Variants in CPLANE1 observed in about 807,000 individuals in gnomAD.
The protein encoded by CPLANE1 is ciliogenesis and planar polarity effector complex subunit 1.
In CPLANE1, 263 loss-of-function variants were observed where a neutral mutation model predicts 362.5. The observed-to-expected ratio is 0.73, with a 90% CI of 0.66 to 0.80. The LOEUF (loss-of-function observed/expected upper bound fraction) is 0.80. CPLANE1 is among the 30% of genes least tolerant of loss of function. The probability of loss-of-function intolerance (pLI) is 0.00; values close to 1 mark genes in which losing one functional copy is unlikely to be tolerated. For synonymous variants in CPLANE1, 1,212 were observed against 1,302.6 expected (o/e 0.93, Z 1.50); for missense variants, 3,461 against 3,793.4 (o/e 0.91, Z 2.30).
At chr5:37,224,379 T>C (rs776092570) in intron 13 of CPLANE1, 46 bp from the exon 14 acceptor site, 112 of 1,385,780 alleles carry the variant, frequency 8.1e-5, no homozygotes, top group Admixed American at 2.6e-4. Context: ...ATTATATTAC[T>C]TCATAAAAAT....
intron 21 of CPLANE1, among the ~76,000 whole-genome samples, chr5:37,191,606 G>A (rs1407855445): frequency 6.6e-6 from 1 of 152,176 alleles, no homozygotes; most frequent in Admixed American, 6.5e-5. Context: ...GGGAGGCAGA[G>A]GCTGCAGTGA....
rs1792878203 is a variant in CPLANE1 at position 37,212,455 on chromosome 5, C to T, written c.2920+1104G>A. The T allele has an allele frequency of 4.4e-6, 3 of 684,964 alleles. No individual in the cohort carries two copies. In the African/African-American group the frequency reaches 5.4e-5, roughly 12 times the overall value. The allele number at this position is 684,964 out of a possible 1,614,324, so 42.4% of individuals were successfully genotyped here. ...AACATTTACTCCTTTGTAAATGTTTCTCTATCAACAGATAAAACTCTGAAT... is the reference window on the plus strand; with the variant it reads ...AACATTTACTCCTTTGTAAATGTTTTTCTATCAACAGATAAAACTCTGAAT... On this transcript the variant is annotated intron_variant, in intron 16 of 52. Coordinates refer to ENST00000651892, the MANE Select transcript of CPLANE1 (RefSeq NM_001384732.1).
intron 47 of CPLANE1, chr5:37,124,795 C>T (rs767812031): frequency 7.0e-5 from 44 of 631,218 alleles, no homozygotes; most frequent in Non-Finnish European, 8.7e-5. Context: ...CACAAGTGAT[C>T]CTCTCACTTT....
In CPLANE1 at chr5:37,183,706, CA is replaced by C. The variant is rs765436783; in HGVS notation, c.4482-8del. 5 of 1,531,298 alleles carry C rather than the reference CA, an allele frequency of 3.3e-6. No individual in the cohort carries two copies. The highest frequency in any genetic ancestry group is 2.2e-5 in the Admixed American group (1 of 45,076). The allele number at this position is 1,531,298 out of a possible 1,614,324, so 94.9% of individuals were successfully genotyped here. A position where few individuals can be genotyped will look rare whatever the true frequency, so the allele number is the denominator to read the frequency against. On this transcript the variant is annotated splice_region_variant and splice_polypyrimidine_tract_variant and intron_variant, in intron 25 of 52. Coordinates refer to ENST00000651892, the MANE Select transcript of CPLANE1 (RefSeq NM_001384732.1). The stretch of plus-strand genomic sequence containing the variant: ...CATGTGATTTGGGGCATTTCTATAG[CA>C]AAAAAATAAAATAAGACAAAATTAG...
intron 15 of CPLANE1, 109 bp downstream of exon 15, chr5:37,221,215 C>A (rs904715762): frequency 6.5e-6 from 4 of 613,764 alleles, no homozygotes; most frequent in Non-Finnish European, 1.1e-5. Context: ...CCACTTGAGG[C>A]GGCTGAGGTA....
chr5:37,151,713 T>C (rs1235997293), intron 42 of CPLANE1, among the ~76,000 whole-genome samples: 2 of 152,210 alleles, frequency 1.3e-5, no homozygotes, highest in Admixed American at 6.5e-5. Context: ...TTTGATGCTG[T>C]ACATTTATTT....
At chr5:37,138,642 T>C in intron 46 of CPLANE1, 78 bp downstream of exon 46, 7 of 1,485,248 alleles carry the variant, frequency 4.7e-6, no homozygotes, top group Non-Finnish European at 6.4e-6. Flanking sequence ...AAAAATCACA[T>C]TAAAATATGA....
chr5:37,139,691 C>G lies in CPLANE1; in HGVS notation c.8633-321G>C, dbSNP rs80131490. On this transcript the variant is annotated intron_variant, in intron 44 of 52. Transcript: ENST00000651892. ...TTAACCTCCTGAATGGCTGGGATTACAGGTGTGTGCCGCAATGCAGGCTAA... is the reference window on the plus strand; with the variant it reads ...TTAACCTCCTGAATGGCTGGGATTAGAGGTGTGTGCCGCAATGCAGGCTAA... The G allele has an allele frequency of 0.016, 5,819 of 367,044 alleles. 350 individuals are homozygous for G. The highest frequency in any genetic ancestry group is 0.12 in the African/African-American group (5,454 of 45,756). 22.7% of individuals were successfully genotyped at this position (367,044 alleles called of 1,614,324 possible).
chr5:37,148,236 A>T lies in CPLANE1; in HGVS notation c.8406T>A (p.Ser2802=). 1 of 1,612,498 alleles carries T rather than the reference A, an allele frequency of 6.2e-7. No individual in the cohort carries two copies. The highest frequency in any genetic ancestry group is 8.5e-7 in the Non-Finnish European group (1 of 1,179,108). The change falls in exon 43 of 53, where the codon TCT becomes TCA. Residue 2802 remains serine, a synonymous_variant. Transcript: ENST00000651892. The part of the protein sequence containing the change: ...IGPVDHIEFS[S]GPEFKKTLAS... ...CTAATGTTTTTTTGAATTCAGGGCCAGAAGAGAATTCAATGTGATCCACTG... is the reference window on the plus strand; with the variant it reads ...CTAATGTTTTTTTGAATTCAGGGCCTGAAGAGAATTCAATGTGATCCACTG...
intron 51 of CPLANE1, among the ~76,000 whole-genome samples, chr5:37,111,952 G>A (rs556787687): frequency 1.2e-3 from 190 of 152,260 alleles, no homozygotes; most frequent in Non-Finnish European, 2.0e-3. Flanking sequence ...CCAATGAGTG[G>A]TTAAGCAACA....
rs757674599 is a variant in CPLANE1, at chr5:37,170,097, G to C, written c.6406C>G (p.Pro2136Ala). The C allele has an allele frequency of 1.2e-6, 2 of 1,614,028 alleles. No homozygotes were observed. The highest frequency in any genetic ancestry group is 1.7e-5 in the Admixed American group (1 of 60,004). Residue 2136 changes from proline to alanine, a missense_variant, in exon 33 of 53, where the codon CCA becomes GCA. Around this residue, in one of 2 missense-constraint regions of CPLANE1, gnomAD observed 3,380 missense variants for 3,666.1 expected, o/e 0.92. Transcript: ENST00000651892. ...ENAREPRKNSPHCHEGTIPSG... is the reference protein window; with the variant it reads ...ENAREPRKNSAHCHEGTIPSG... ...GGGATAGTTCCTTCATGGCAGTGTG[G>C]GCTGTTCTTGCGAGGCTCTCTGGCG...
chr5:37,095,637 C>T, the CPLANE1 span, among the ~76,000 whole-genome samples: 2 of 152,180 alleles, frequency 1.3e-5, no homozygotes, highest in Non-Finnish European at 2.9e-5. Flanking sequence ...GGAAGTCAAA[C>T]TGTCGCTGTT....
chr5:37,146,196 C>T (rs933161109), intron 43 of CPLANE1, among the ~76,000 whole-genome samples: 149 of 137,348 alleles, frequency 1.1e-3, no homozygotes, highest in African/African-American at 3.9e-3. Flanking sequence ...TTTTTTTTTT[C>T]GAGACGGAGT....
rs1293770311 is a variant in CPLANE1 at position 37,213,751 on chromosome 5, A to T, written c.2747-19T>A. The T allele has an allele frequency of 2.1e-6, 3 of 1,412,960 alleles. No homozygotes were observed. Among genetic ancestry groups the T allele is most frequent in the Non-Finnish European group, 2.8e-6 (3 of 1,070,252 alleles). The allele number at this position is 1,412,960 out of a possible 1,614,324, so 87.5% of individuals were successfully genotyped here. On this transcript the variant is annotated intron_variant, in intron 15 of 52. Coordinates refer to ENST00000651892, the MANE Select transcript of CPLANE1 (RefSeq NM_001384732.1). ...GCAGCACCTAAGGAATACAGCAATG[A>T]CCTAAGAAGATTGTGATCAACTACC...
At position 37,153,811 on chromosome 5, in the gene CPLANE1, T is replaced by C. The variant is rs767698613; in HGVS notation, c.8302A>G (p.Ile2768Val). 6.2e-7 allele frequency: 1 copy of C among 1,614,138 alleles called. No individual in the cohort carries two copies. Among genetic ancestry groups the C allele is most frequent in the South Asian group, 1.1e-5 (1 of 91,076 alleles). The change falls in exon 42 of 53, where the codon ATA becomes GTA. Residue 2768 changes from isoleucine (I) to valine (V), a missense_variant. By Grantham distance (29) the Ile-to-Val change is conservative (BLOSUM62 3). Around this residue, in one of 2 missense-constraint regions of CPLANE1, gnomAD observed 3,380 missense variants for 3,666.1 expected, o/e 0.92. Transcript: ENST00000651892. ...TCTATGTTTTCAGCAATGTTCTGTA[T>C]TGCTAGCAACTGCTCGTCAATTTTC... The part of the protein sequence containing the change: ...LQKIDEQLLA[I>V]QNIAENIEQD...
intron 44 of CPLANE1, chr5:37,141,425 T>C (rs1769688064): frequency 6.1e-6 from 6 of 984,916 alleles, no homozygotes; most frequent in Non-Finnish European, 7.2e-6. Flanking sequence ...TGATACTCAG[T>C]CTTCACAACT....
At chr5:37,243,633 A>G (rs1738401710) in intron 5 of CPLANE1, among the ~76,000 whole-genome samples, 1 of 148,438 alleles carries the variant, frequency 6.7e-6, no homozygotes, top group Non-Finnish European at 1.5e-5. Flanking sequence ...TTGTTAAATT[A>G]CCAAACAAGC....
intron 6 of CPLANE1, among the ~76,000 whole-genome samples, chr5:37,240,281 C>T (rs1014584910): frequency 2.6e-5 from 4 of 151,918 alleles, no homozygotes; most frequent in Admixed American, 6.6e-5. Context: ...ACCCGGGAGG[C>T]GGAGGTCGCA....
At chr5:37,161,998 A>C (rs894324757) in intron 38 of CPLANE1, among the ~76,000 whole-genome samples, 2 of 152,224 alleles carry the variant, frequency 1.3e-5, no homozygotes, top group African/African-American at 4.8e-5. Flanking sequence ...ATTCATAATG[A>C]TAAATAATAT....
Sources: gnomAD v4.1 joint callset for allele counts (sites outside exome capture counted in the v4.1 genomes callset) on GRCh38, gnomAD v4.1.1 for gene constraint, gnomAD v4.1.1 regional missense constraint, MANE v1.5 for transcripts, NCBI Gene and HGNC (gene_info 2026-07-23, HGNC 2026-07-21) for gene names.